STK32C: variants seen among roughly 807,000 people sequenced by gnomAD.
STK32C encodes serine/threonine kinase 32C, also known as serine/threonine-protein kinase 32C.
In STK32C, 31 loss-of-function variants were observed where a neutral mutation model predicts 56.5. That is an observed-to-expected ratio of 0.55 (90% CI 0.41 to 0.74). The LOEUF (loss-of-function observed/expected upper bound fraction) is 0.74, where lower values mean the gene tolerates loss of function less well. Ranked by LOEUF, STK32C falls within the 30% of genes least tolerant of loss-of-function variation. The probability of loss-of-function intolerance (pLI) is 0.00; values close to 1 mark genes in which losing one functional copy is unlikely to be tolerated. For synonymous variants in STK32C, 309 were observed against 289.4 expected, an observed-to-expected ratio of 1.07 and a Z score of -0.69; for missense variants, 544 against 676.9, an observed-to-expected ratio of 0.80 and a Z score of 2.18.
At chr10:132,280,689 C>T (rs1458035557) in intron 1 of STK32C, among the ~76,000 whole-genome samples, 3 of 150,448 alleles carry the variant, frequency 2.0e-5, no homozygotes, top group Non-Finnish European at 4.4e-5. Context: ...CGCACCTCCA[C>T]TCCGTGATCA....
At chr10:132,304,014 G>GA (rs1381120870) in intron 1 of STK32C, among the ~76,000 whole-genome samples, 1 of 152,208 alleles carries the variant, frequency 6.6e-6, no homozygotes, top group African/African-American at 2.4e-5. Flanking sequence ...GCTCAGAGAG[G>GA]GACCAATTGA....
chr10:132,312,653 A>G (rs570005783), upstream of STK32C, among the ~76,000 whole-genome samples: 3 of 152,224 alleles, frequency 2.0e-5, no homozygotes, highest in Non-Finnish European at 2.9e-5. Context: ...TGGTGGCTCA[A>G]TGCTGCACTA....
intron 1 of STK32C, among the ~76,000 whole-genome samples, chr10:132,287,230 C>T (rs1244811825): frequency 6.6e-6 from 1 of 152,074 alleles, no homozygotes; most frequent in Non-Finnish European, 1.5e-5. Context: ...CGGTGGCTCA[C>T]ACCTGTAATC....
At chr10:132,223,958 T>G (rs999098972) in intron 8 of STK32C, among the ~76,000 whole-genome samples, 10 of 152,058 alleles carry the variant, frequency 6.6e-5, no homozygotes, top group African/African-American at 2.2e-4. Context: ...CCCTGAGAGG[T>G]GTTTGCAGTG....
intron 2 of STK32C, among the ~76,000 whole-genome samples, chr10:132,245,045 T>C (rs897362682): frequency 7.2e-5 from 11 of 152,198 alleles, no homozygotes; most frequent in African/African-American, 2.7e-4. Flanking sequence ...AGGCCTCAAG[T>C]AACCCAGTGG....
intron 1 of STK32C, among the ~76,000 whole-genome samples, chr10:132,257,165 G>A (rs1020829835): frequency 2.0e-4 from 30 of 152,176 alleles, no homozygotes; most frequent in Non-Finnish European, 7.4e-5. Flanking sequence ...GGTGAGGCCT[G>A]TGGATACAGG....
chr10:132,219,826 C>T (rs1002270139), intron 10 of STK32C, among the ~76,000 whole-genome samples: 1 of 152,174 alleles, frequency 6.6e-6, no homozygotes, highest in Non-Finnish European at 1.5e-5. Flanking sequence ...GGGACTGACA[C>T]CCGTCTTCTG....
chr10:132,250,614 G>A (rs973331203), intron 1 of STK32C, among the ~76,000 whole-genome samples: 2 of 146,018 alleles, frequency 1.4e-5, no homozygotes, highest in South Asian at 2.2e-4. Context: ...GCTCCGCCCC[G>A]AGGCAGGTGG....
chr10:132,329,193 T>C (rs1030445412), intron 1 of STK32C, among the ~76,000 whole-genome samples: 19 of 152,256 alleles, frequency 1.2e-4, no homozygotes, highest in Non-Finnish European at 2.6e-4. Context: ...GGCAGGTGGA[T>C]GGCTTGAGCT....
At chr10:132,301,879 A>G (rs2065920440) in intron 1 of STK32C, among the ~76,000 whole-genome samples, 1 of 152,228 alleles carries the variant, frequency 6.6e-6, no homozygotes, top group Non-Finnish European at 1.5e-5. Flanking sequence ...GCCCGGGCCA[A>G]GGGACCAGCA....
At chr10:132,258,876 G>T (rs1407467890) in intron 1 of STK32C, among the ~76,000 whole-genome samples, 1 of 152,270 alleles carries the variant, frequency 6.6e-6, no homozygotes, top group Non-Finnish European at 1.5e-5. Flanking sequence ...CAACATGAAG[G>T]TCTCCGCCCG....
At chr10:132,214,918 C>T (rs1303044249) in intron 10 of STK32C, among the ~76,000 whole-genome samples, 5 of 152,040 alleles carry the variant, frequency 3.3e-5, no homozygotes, top group Non-Finnish European at 7.3e-5. Context: ...ATATAAAATG[C>T]TTAATTAAAA....
At chr10:132,253,525 C>CGGAGGGAGCT (rs2063991083) in intron 1 of STK32C, among the ~76,000 whole-genome samples, 1 of 98,064 alleles carries the variant, frequency 1.0e-5, no homozygotes, top group Admixed American at 9.5e-5. Flanking sequence ...CTGAGGGAGC[C>CGGAGGGAGCT]GGAGGGAGCT....
rs192441470 is a variant in STK32C at position 132,211,280 on chromosome 10, G to A, written c.1252-2179C>T. The stretch of plus-strand genomic sequence containing the variant: ...TCAGACTACTCAGGAATGAGGGTCC[G>A]ACTGAGCCGCTGGGATCCTGCGATT... On this transcript the variant is annotated intron_variant, in intron 10 of 11. Coordinates refer to ENST00000298630, the MANE Select transcript of STK32C (RefSeq NM_173575.4). 1.8e-4 allele frequency among the ~76,000 whole-genome samples: 28 copies of A among 152,276 alleles called. No individual in the cohort carries two copies. In the East Asian group the frequency reaches 4.4e-3, roughly 24 times the overall value.
At chr10:132,239,047 G>A (rs1272584554) in intron 2 of STK32C, among the ~76,000 whole-genome samples, 1 of 152,236 alleles carries the variant, frequency 6.6e-6, no homozygotes, top group Non-Finnish European at 1.5e-5. Context: ...AGAGGTCCAA[G>A]GGAGGAAGAT....
At chr10:132,225,416 C>A (rs771151910) in intron 6 of STK32C, 80 bp from the exon 7 acceptor site, 79 of 1,583,382 alleles carry the variant, frequency 5.0e-5, no homozygotes, top group Non-Finnish European at 2.6e-6. Context: ...CACCTTGAGG[C>A]CACATCCCGA....
chr10:132,322,913 A>G (rs143524419), downstream of STK32C, among the ~76,000 whole-genome samples: 372 of 152,250 alleles, frequency 2.4e-3, no homozygotes, highest in Non-Finnish European at 4.4e-3. Context: ...TCCTGAACAC[A>G]TTTGATCGCT....
At chr10:132,267,709 GT>G (rs2064611102) in intron 1 of STK32C, among the ~76,000 whole-genome samples, 3 of 135,670 alleles carry the variant, frequency 2.2e-5, no homozygotes, top group Non-Finnish European at 3.2e-5. Context: ...TCAGCTCTAT[GT>G]CTATGTGCAT....
chr10:132,220,020 T>C (rs2062585820), intron 10 of STK32C, among the ~76,000 whole-genome samples: 1 of 152,028 alleles, frequency 6.6e-6, no homozygotes, highest in Non-Finnish European at 1.5e-5. Flanking sequence ...TTGGTGAATA[T>C]CAGCCACATC....
Sources: gnomAD v4.1 joint callset for allele counts (sites outside exome capture counted in the v4.1 genomes callset) on GRCh38, gnomAD v4.1.1 for gene constraint, MANE v1.5 for transcripts, NCBI Gene and HGNC (gene_info 2026-07-23, HGNC 2026-07-21) for gene names.